The following ADAMTS12 variants were observed in gnomAD, a reference collection of about 807,000 sequenced individuals.
ADAMTS12 encodes A disintegrin and metalloproteinase with thrombospondin motifs 12.
Under a neutral mutation model 167.8 loss-of-function variants are expected in ADAMTS12, and 118 were observed. The observed-to-expected ratio is 0.70, with a 90% confidence interval of 0.61 to 0.82. The LOEUF is 0.82. Among genes scored for constraint, ADAMTS12 ranks in the 40% least tolerant of loss-of-function variants. The pLI is 0.00. For missense variants in ADAMTS12, 1,916 were observed against 1,998.8 expected (o/e 0.96, Z 0.79); for synonymous variants, 704 against 716.9 (o/e 0.98, Z 0.29).
chr5:33,614,362 C>G lies in ADAMTS12; in HGVS notation c.2403G>C (p.Val801=). ...ACTCATACTTGATGCCAGGGTTAGT[C>G]ACCTGGAATAGAAGCTAAAAGGCAA... is the stretch of plus-strand genomic sequence containing the variant. ...ESVWIQLLFQ[V]TNPGIKYEYT... The change falls in exon 16 of 24, where the codon GTG becomes GTC. Residue 801 remains valine (V), a synonymous_variant. Transcript: ENST00000504830. 6.2e-7 allele frequency: 1 copy of G among 1,613,976 alleles called. No homozygotes were observed. Among genetic ancestry groups the G allele is most frequent in the Non-Finnish European group, 8.5e-7 (1 of 1,179,932 alleles).
intron 2 of ADAMTS12, among the ~76,000 whole-genome samples, chr5:33,854,341 A>T (rs1283426572): frequency 6.6e-6 from 1 of 152,220 alleles, no homozygotes; most frequent in Non-Finnish European, 1.5e-5. Flanking sequence ...CTGGACACCT[A>T]GTCTTCAGTT....
chr5:33,576,449 C>A lies in ADAMTS12; in HGVS notation c.3577G>T (p.Glu1193Ter). The change falls in exon 19 of 24, where the codon GAA becomes TAA. Residue 1193 changes from glutamate (E) to a stop codon, truncating the protein, a stop_gained. Transcript: ENST00000504830. LOFTEE classifies it high-confidence loss of function. Reference protein sequence around the residue: ...PGNDAPVESTEMPLAPPLTPD... With the variant: ...PGNDAPVEST ...GTTAGTGGAGGTGCAAGTGGCATTTCTGTACTTTCCACTGGAGCGTCATTT... is the reference window on the plus strand; with the variant it reads ...GTTAGTGGAGGTGCAAGTGGCATTTATGTACTTTCCACTGGAGCGTCATTT... The A allele has an allele frequency of 6.2e-7, 1 of 1,610,488 alleles. No homozygotes were observed. Among genetic ancestry groups the A allele is most frequent in the Non-Finnish European group, 8.5e-7 (1 of 1,178,130 alleles).
intron 11 of ADAMTS12, 36 bp downstream of exon 11, chr5:33,641,774 T>C (rs765493813): frequency 2.1e-5 from 32 of 1,514,880 alleles, no homozygotes; most frequent in Non-Finnish European, 2.9e-5. Flanking sequence ...CCCCAGCACA[T>C]GTGGAGAGAA....
At chr5:33,770,571 T>C (rs1262971744) in intron 2 of ADAMTS12, among the ~76,000 whole-genome samples, 1 of 152,032 alleles carries the variant, frequency 6.6e-6, no homozygotes, top group Non-Finnish European at 1.5e-5. Context: ...CTCAGAAAAA[T>C]TCAGGGGTCT....
chr5:33,650,355 T>A (rs1740828283), intron 7 of ADAMTS12, among the ~76,000 whole-genome samples: 1 of 152,210 alleles, frequency 6.6e-6, no homozygotes, highest in South Asian at 2.1e-4. Flanking sequence ...TACAATGAGA[T>A]CTGAATAGAA....
At chr5:33,669,058 T>C (rs1350766536) in intron 5 of ADAMTS12, among the ~76,000 whole-genome samples, 1 of 152,098 alleles carries the variant, frequency 6.6e-6, no homozygotes, top group Non-Finnish European at 1.5e-5. Context: ...AAACCAAAAA[T>C]AGGGATTTGC....
chr5:33,891,776 C>A lies in ADAMTS12; in HGVS notation c.81G>T (p.Gly27=), dbSNP rs766598182. The A allele has an allele frequency of 6.2e-7, 1 of 1,614,234 alleles. No homozygotes were observed. The highest frequency in any genetic ancestry group is 1.1e-5 in the South Asian group (1 of 91,086). The part of the protein sequence containing the change: ...QLLNFGALCY[G]RQPQPGPVRF... Reference sequence around the variant, plus strand: ...GAACCGGGCCTGGCTGAGGCTGTCTCCCATAGCAAAGCGCCCCAAAGTTAA... The same window carrying A: ...GAACCGGGCCTGGCTGAGGCTGTCTACCATAGCAAAGCGCCCCAAAGTTAA... Residue 27 remains glycine, a synonymous_variant, in exon 1 of 24, where the codon GGG becomes GGT. Transcript: ENST00000504830.
chr5:33,703,932 A>G (rs911863836), intron 3 of ADAMTS12, among the ~76,000 whole-genome samples: 1 of 152,322 alleles, frequency 6.6e-6, no homozygotes, highest in Admixed American at 6.5e-5. Context: ...TAATCCCCAG[A>G]CAGGCCAGTT....
In ADAMTS12 at chr5:33,524,560, A is replaced by G. The variant is rs1479004503; in HGVS notation, c.*2628T>C. 1.3e-5 allele frequency: 2 copies of G among 152,230 alleles called. No individual in the cohort carries two copies. Among genetic ancestry groups the G allele is most frequent in the Non-Finnish European group, 2.9e-5 (2 of 68,046 alleles). 9.4% of individuals were successfully genotyped at this position (152,230 alleles called of 1,614,324 possible). On this transcript the variant is annotated 3_prime_UTR_variant, in exon 24 of 24. Transcript: ENST00000504830. Reference sequence around the variant, plus strand: ...CTCTGCTTCATATCAGCACCCAAGTATCAAAGATGTAAGATACCATGCAGG... The same window carrying G: ...CTCTGCTTCATATCAGCACCCAAGTGTCAAAGATGTAAGATACCATGCAGG...
chr5:33,652,257 G>A (rs1213797742), intron 7 of ADAMTS12, among the ~76,000 whole-genome samples: 1 of 152,118 alleles, frequency 6.6e-6, no homozygotes, highest in Non-Finnish European at 1.5e-5. Context: ...TGGTGTATAA[G>A]CATTCTCTTT....
chr5:33,614,966 T>C (rs1738918154), intron 15 of ADAMTS12, among the ~76,000 whole-genome samples: 1 of 152,212 alleles, frequency 6.6e-6, no homozygotes, highest in Non-Finnish European at 1.5e-5. Context: ...CTCAGTATCT[T>C]TAACAAATAG....
intron 2 of ADAMTS12, among the ~76,000 whole-genome samples, chr5:33,775,532 C>A (rs1040738108): frequency 6.6e-6 from 1 of 152,060 alleles, no homozygotes; most frequent in Non-Finnish European, 1.5e-5. Flanking sequence ...ATGAACAAGG[C>A]GGTGGAATAG....
intron 2 of ADAMTS12, among the ~76,000 whole-genome samples, chr5:33,776,628 C>G (rs1745918293): frequency 6.6e-6 from 1 of 151,836 alleles, no homozygotes; most frequent in Non-Finnish European, 1.5e-5. Context: ...AAAGAAAAAT[C>G]TCAAACAACC....
intron 2 of ADAMTS12, among the ~76,000 whole-genome samples, chr5:33,855,398 T>C (rs1218677328): frequency 6.6e-6 from 1 of 152,268 alleles, no homozygotes; most frequent in Admixed American, 6.5e-5. Context: ...TATAACAGCA[T>C]ATCCTAGGAC....
At chr5:33,645,247 C>A (rs1233272544) in intron 9 of ADAMTS12, among the ~76,000 whole-genome samples, 1 of 151,766 alleles carries the variant, frequency 6.6e-6, no homozygotes, top group African/African-American at 2.4e-5. Flanking sequence ...ATGAGCATGG[C>A]CTGTAGTAAA....
At position 33,732,313 on chromosome 5, in the gene ADAMTS12, G is replaced by C. The variant is rs138811304; in HGVS notation, c.634+19091C>G. On this transcript the variant is annotated intron_variant, in intron 3 of 23. Coordinates refer to ENST00000504830, the MANE Select transcript of ADAMTS12 (RefSeq NM_030955.4). ...CTTTGTAAGCATAAAAAGAATGGAG[G>C]AAATCAGAAAGAAAACGTCTAAATG... Among the ~76,000 whole-genome samples, 20 of 152,188 alleles carry C rather than the reference G, an allele frequency of 1.3e-4. No individual in the cohort carries two copies. In the East Asian group the frequency reaches 3.7e-3, roughly 28 times the overall value.
intron 12 of ADAMTS12, among the ~76,000 whole-genome samples, chr5:33,634,761 C>CTA (rs1339838352): frequency 6.6e-6 from 1 of 151,944 alleles, no homozygotes; most frequent in Non-Finnish European, 1.5e-5. Flanking sequence ...TGAATATATT[C>CTA]TATAGTAACC....
At chr5:33,767,106 A>C (rs1046062308) in intron 2 of ADAMTS12, among the ~76,000 whole-genome samples, 4 of 152,250 alleles carry the variant, frequency 2.6e-5, no homozygotes, top group Non-Finnish European at 4.4e-5. Context: ...TCATGCAGCA[A>C]ATAAAAAATG....
chr5:33,794,278 T>G (rs1746690003), intron 2 of ADAMTS12, among the ~76,000 whole-genome samples: 1 of 152,188 alleles, frequency 6.6e-6, no homozygotes, highest in Admixed American at 6.5e-5. Context: ...TTGGGGTGTC[T>G]CTTCCGGTCC....
Sources: gnomAD v4.1 joint callset for allele counts (sites outside exome capture counted in the v4.1 genomes callset) on GRCh38, gnomAD v4.1.1 for gene constraint, MANE v1.5 for transcripts, NCBI Gene and HGNC (gene_info 2026-07-23, HGNC 2026-07-21) for gene names.